The following ZC3H7B variants were observed in gnomAD, a reference collection of about 807,000 sequenced individuals.
The protein encoded by ZC3H7B is zinc finger CCCH-type containing 7B.
A neutral mutation model predicts 116.0 loss-of-function variants in ZC3H7B; 35 were observed. The observed-to-expected ratio is 0.30, with a 90% confidence interval of 0.23 to 0.40. ZC3H7B has a LOEUF of 0.40. Among genes scored for constraint, ZC3H7B ranks in the 10% least tolerant of loss-of-function variants. The pLI is 1.00. For missense variants in ZC3H7B, 1,011 were observed against 1,321.5 expected, an observed-to-expected ratio of 0.77 and a Z score of 3.64; for synonymous variants, 502 against 545.6, an observed-to-expected ratio of 0.92 and a Z score of 1.11.
intron 7 of ZC3H7B, chr22:41,336,000 A>G: frequency 6.5e-6 from 1 of 153,346 alleles, no homozygotes; most frequent in Non-Finnish European, 1.5e-5. Context: ...CTGGGAAAGG[A>G]AGGCTAGTGG....
chr22:41,331,590 G>T (rs1291662026), intron 6 of ZC3H7B, among the ~76,000 whole-genome samples: 2 of 151,586 alleles, frequency 1.3e-5, no homozygotes, highest in Non-Finnish European at 2.9e-5. Flanking sequence ...GAGCAAATGG[G>T]CCGGGTGCAG....
intron 1 of ZC3H7B, among the ~76,000 whole-genome samples, chr22:41,307,179 T>C (rs552686157): frequency 6.6e-6 from 1 of 152,108 alleles, no homozygotes; most frequent in South Asian, 2.1e-4. Context: ...TGTTTCACCA[T>C]GTTGGTCAGA....
At chr22:41,347,306 T>C (rs2036598901) in intron 14 of ZC3H7B, among the ~76,000 whole-genome samples, 2 of 152,244 alleles carry the variant, frequency 1.3e-5, no homozygotes, top group South Asian at 4.1e-4. Flanking sequence ...CGGCCCCACG[T>C]CTCAGGCCTC....
chr22:41,318,268 G>A (rs914822260), intron 1 of ZC3H7B, among the ~76,000 whole-genome samples: 3 of 152,034 alleles, frequency 2.0e-5, no homozygotes, highest in Admixed American at 6.6e-5. Context: ...GGTGGCTCAC[G>A]CCTGTAATCC....
At chr22:41,337,665 G>T (rs1331929848) in intron 7 of ZC3H7B, among the ~76,000 whole-genome samples, 3 of 152,168 alleles carry the variant, frequency 2.0e-5, no homozygotes, top group Admixed American at 6.5e-5. Context: ...GGGGAGGCTT[G>T]CTAAGACCCT....
At chr22:41,324,808 C>T (rs1477097371) in intron 2 of ZC3H7B, among the ~76,000 whole-genome samples, 1 of 152,128 alleles carries the variant, frequency 6.6e-6, no homozygotes, top group East Asian at 1.9e-4. Flanking sequence ...CCTGTGGTCT[C>T]GGATTTGGTT....
At chr22:41,325,012 C>A (rs1391316500) in intron 2 of ZC3H7B, among the ~76,000 whole-genome samples, 1 of 152,228 alleles carries the variant, frequency 6.6e-6, no homozygotes, top group East Asian at 1.9e-4. Flanking sequence ...TCTGATTTTC[C>A]TCTTGTCCTT....
intron 1 of ZC3H7B, among the ~76,000 whole-genome samples, chr22:41,306,170 T>C (rs927025488): frequency 6.6e-6 from 1 of 152,156 alleles, no homozygotes; most frequent in African/African-American, 2.4e-5. Context: ...CTTTCGATTC[T>C]CTGGGCCTCA....
At chr22:41,356,853 A>C in intron 22 of ZC3H7B, 45 bp downstream of exon 22, 1 of 1,608,368 alleles carries the variant, frequency 6.2e-7, no homozygotes, top group Non-Finnish European at 8.5e-7. Context: ...GGGTGGCCCG[A>C]GGAGATGGAG....
At chr22:41,334,787 G>A (rs1441642602) in intron 7 of ZC3H7B, 1 of 152,234 alleles carries the variant, frequency 6.6e-6, no homozygotes, top group African/African-American at 2.4e-5. Context: ...TCTCCACCAT[G>A]AGCACCATAT....
At position 41,309,008 on chromosome 22, in the gene ZC3H7B, C is replaced by CTTTTTTTTTTTTTTTTT. The variant is rs57147100; in HGVS notation, c.-7+7241_-7+7257dup. Among the ~76,000 whole-genome samples, 14 of 103,284 alleles carry CTTTTTTTTTTTTTTTTT rather than the reference C, an allele frequency of 1.4e-4. 2 individuals are homozygous for CTTTTTTTTTTTTTTTTT. Among genetic ancestry groups the CTTTTTTTTTTTTTTTTT allele is most frequent in the Admixed American group, 3.0e-4 (2 of 6,640 alleles). 67.8% of individuals were successfully genotyped at this position (103,284 alleles called of 152,430 possible). ...GGGCCTTCCCTAAACTCCCAGTCTG[C>CTTTTTTTTTTTTTTTTT]TTTTTTTTTTTTTTTTTTTTTGAGA... On this transcript the variant is annotated intron_variant, in intron 1 of 22. Coordinates refer to ENST00000352645, the MANE Select transcript of ZC3H7B (RefSeq NM_017590.6).
In ZC3H7B at chr22:41,338,215, G is replaced by T; in HGVS notation, c.583-98G>T. The T allele has an allele frequency of 7.5e-7, 1 of 1,327,936 alleles. No individual in the cohort carries two copies. Among genetic ancestry groups the T allele is most frequent in the Non-Finnish European group, 1.1e-6 (1 of 950,868 alleles). 82.3% of individuals were successfully genotyped at this position (1,327,936 alleles called of 1,614,324 possible). ...CCTGGCACTCTAAGTGCTCCTCGGT[G>T]CTGGGTCAACAGCATAGTCACGTGG... On this transcript the variant is annotated intron_variant, in intron 7 of 22. Coordinates refer to ENST00000352645, the MANE Select transcript of ZC3H7B (RefSeq NM_017590.6). The surrounding 1 kb of genome is among the most constrained non-coding windows in gnomAD (Gnocchi z 4.5).
chr22:41,357,041 C>A lies in ZC3H7B; in HGVS notation c.2682-136C>A. 7.0e-7 allele frequency: 1 copy of A among 1,435,036 alleles called. No individual in the cohort carries two copies. The highest frequency in any genetic ancestry group is 2.2e-5 in the Admixed American group (1 of 45,602). 88.9% of individuals were successfully genotyped at this position (1,435,036 alleles called of 1,614,324 possible). ...AGATCCCAGAGAGGGTCAGGACACC[C>A]AGGTTTTCCCTGAGCTGGGACCCAG... On this transcript the variant is annotated intron_variant, in intron 22 of 22. Transcript: ENST00000352645. This position sits in a 1 kb window ranked among gnomAD's most constrained non-coding sequence, Gnocchi z 5.4.
intron 10 of ZC3H7B, 93 bp downstream of exon 10, chr22:41,340,230 A>T: frequency 7.5e-7 from 1 of 1,336,272 alleles, no homozygotes; most frequent in Non-Finnish European, 1.0e-6. Flanking sequence ...TGAGTTACAG[A>T]TCTGTTTGTC....
chr22:41,320,819 G>C (rs1242177992), intron 2 of ZC3H7B, 106 bp downstream of exon 2: 8 of 1,513,112 alleles, frequency 5.3e-6, no homozygotes, highest in African/African-American at 1.4e-5. Context: ...AGCCTTTGCT[G>C]CCAAGGCTCC....
chr22:41,316,765 C>T (rs2036189333), intron 1 of ZC3H7B, among the ~76,000 whole-genome samples: 1 of 152,076 alleles, frequency 6.6e-6, no homozygotes. Context: ...ACCTCTGCCT[C>T]CCAGGTTCAA....
Position 41,302,368 on chromosome 22 carries a change from A to C in ZC3H7B, c.-7+596A>C, listed in dbSNP as rs994472589. Among the ~76,000 whole-genome samples, 2 of 151,786 alleles carry C rather than the reference A, an allele frequency of 1.3e-5. No individual in the cohort carries two copies. Among genetic ancestry groups the C allele is most frequent in the Non-Finnish European group, 2.9e-5 (2 of 67,874 alleles). On this transcript the variant is annotated intron_variant, in intron 1 of 22. Transcript: ENST00000352645. This position sits in a 1 kb window ranked among gnomAD's most constrained non-coding sequence, Gnocchi z 5.7. The stretch of plus-strand genomic sequence containing the variant: ...GGGGCCTGCAGCCGGGCCCGCGGGA[A>C]GGGGGCGGCAGGAAAGGGGGGCGCG...
rs1391391569 is a variant in ZC3H7B at position 41,349,143 on chromosome 22, C to G, written c.1790C>G (p.Ser597Cys). 3 of 1,613,778 alleles carry G rather than the reference C, an allele frequency of 1.9e-6. No homozygotes were observed. Among genetic ancestry groups the G allele is most frequent in the Non-Finnish European group, 2.5e-6 (3 of 1,179,996 alleles). The change falls in exon 16 of 23, where the codon TCC becomes TGC. Residue 597 changes from serine (S) to cysteine (C), a missense_variant. By Grantham distance (112) the Ser-to-Cys change is moderately radical. Transcript: ENST00000352645. This position sits in a 1 kb window ranked among gnomAD's most constrained non-coding sequence, Gnocchi z 4.9. ...NNKCLVHIVR[S>C]TSLKYSKIRQ... The stretch of plus-strand genomic sequence containing the variant: ...AGGTGCCTGGTGCACATCGTCCGCT[C>G]CACCTCCCTCAAGTACTCCAAGATC...
intron 13 of ZC3H7B, among the ~76,000 whole-genome samples, chr22:41,344,402 T>C (rs1376244537): frequency 2.0e-5 from 3 of 151,914 alleles, no homozygotes; most frequent in Non-Finnish European, 4.4e-5. Context: ...GTCCACATTC[T>C]GCAACAAGAC....
Sources: gnomAD v4.1 joint callset for allele counts (sites outside exome capture counted in the v4.1 genomes callset) on GRCh38, gnomAD v4.1.1 for gene constraint, Gnocchi (gnomAD v3.1) non-coding constraint, MANE v1.5 for transcripts, NCBI Gene and HGNC (gene_info 2026-07-23, HGNC 2026-07-21) for gene names.